The following CASQ1 variants were observed in gnomAD, a reference collection of about 807,000 sequenced individuals.
CASQ1 encodes the protein calsequestrin 1.
CASQ1 carries 40 observed loss-of-function variants against 49.5 expected under a neutral mutation model. The ratio of observed to expected loss-of-function variants is 0.81; its 90% CI spans 0.63 to 1.05. The LOEUF (loss-of-function observed/expected upper bound fraction) is 1.05. Ranked by LOEUF, CASQ1 falls within the 50% of genes least tolerant of loss-of-function variation. CASQ1 has a pLI of 0.00. For missense variants in CASQ1, 469 were observed against 486.9 expected (o/e 0.96, Z 0.35); for synonymous variants, 174 against 187.2 (o/e 0.93, Z 0.58).
Position 160,201,398 on chromosome 1 carries a change from A to AGCCCCACTGGTCTTTTCAT in CASQ1, c.*25_*43dup. ...CTAGTTGCTATGGCAACCATCTTTCAGCCCCACTGGTCTTTTCATGCTCTC... is the reference window on the plus strand; with the variant it reads ...CTAGTTGCTATGGCAACCATCTTTCAGCCCCACTGGTCTTTTCATGCCCCACTGGTCTTTTCATGCTCTC... On this transcript the variant is annotated 3_prime_UTR_variant, in exon 11 of 11. Transcript: ENST00000368078. 1 of 1,613,008 alleles carries AGCCCCACTGGTCTTTTCAT rather than the reference A, an allele frequency of 6.2e-7. No individual in the cohort carries two copies. Among genetic ancestry groups the AGCCCCACTGGTCTTTTCAT allele is most frequent in the South Asian group, 1.1e-5 (1 of 90,860 alleles).
chr1:160,197,324 G>A (rs962113094), intron 6 of CASQ1, among the ~76,000 whole-genome samples: 2 of 152,216 alleles, frequency 1.3e-5, no homozygotes, highest in African/African-American at 2.4e-5. Context: ...CTGATGTCCA[G>A]TTCTTGCCTT....
At chr1:160,193,692 G>C in intron 2 of CASQ1, 55 bp from the exon 3 acceptor site, 1 of 1,043,416 alleles carries the variant, frequency 9.6e-7, no homozygotes, top group Non-Finnish European at 1.5e-6. Context: ...TGAATCTGTG[G>C]GAAGCCTGGG....
At chr1:160,196,450 C>T (rs1654237627) in intron 6 of CASQ1, among the ~76,000 whole-genome samples, 1 of 151,828 alleles carries the variant, frequency 6.6e-6, no homozygotes, top group Non-Finnish European at 1.5e-5. Context: ...TGATGTGTCC[C>T]ATGTTTGTTC....
intron 1 of CASQ1, among the ~76,000 whole-genome samples, chr1:160,192,165 CA>C: frequency 6.6e-6 from 1 of 152,212 alleles, no homozygotes; most frequent in Non-Finnish European, 1.5e-5. Context: ...AGCCTAAGGA[CA>C]GGCTGAAGTA....
chr1:160,197,732 T>G, intron 7 of CASQ1, 118 bp downstream of exon 7: 33 of 713,396 alleles, frequency 4.6e-5, no homozygotes, highest in East Asian at 5.4e-5. Context: ...AACAGTGCAC[T>G]GACCAGCTGG....
At chr1:160,193,207 G>A (rs2101671977) in intron 2 of CASQ1, among the ~76,000 whole-genome samples, 1 of 152,206 alleles carries the variant, frequency 6.6e-6, no homozygotes, top group African/African-American at 2.4e-5. Flanking sequence ...CCAGACCTCT[G>A]CAAACTCCGC....
In CASQ1 at chr1:160,199,841, C is replaced by G. The variant is rs780260750; in HGVS notation, c.985-10C>G. ...ATCTATTAAGTTGCTGTATTTTGAT[C>G]TCTCTACAGCTGGTCCCATACTGGG... On this transcript the variant is annotated splice_polypyrimidine_tract_variant and intron_variant, in intron 9 of 10. Transcript: ENST00000368078. The G allele has an allele frequency of 5.6e-6, 9 of 1,594,642 alleles. No homozygotes were observed. In the African/African-American group the frequency reaches 6.7e-5, roughly 12 times the overall value.
At chr1:160,195,785 C>A in intron 5 of CASQ1, 112 bp from the exon 6 acceptor site, 1 of 1,261,284 alleles carries the variant, frequency 7.9e-7, no homozygotes, top group Non-Finnish European at 1.1e-6. Flanking sequence ...GTGGCAGTGA[C>A]AAGGATCCCG....
At chr1:160,200,112 G>A (rs1391814757) in intron 10 of CASQ1, among the ~76,000 whole-genome samples, 187 bp downstream of exon 10, 2 of 152,218 alleles carry the variant, frequency 1.3e-5, no homozygotes, top group Non-Finnish European at 2.9e-5. Flanking sequence ...TGGAATCAGT[G>A]GCTCATCCTT....
At position 160,191,011 on chromosome 1, in the gene CASQ1, T is replaced by C. The variant is rs150330307; in HGVS notation, c.260T>C (p.Met87Thr). The C allele has an allele frequency of 0.027, 43,575 of 1,614,018 alleles. 686 individuals are homozygous for C. The highest frequency in any genetic ancestry group is 0.031 in the Non-Finnish European group (36,480 of 1,179,970). The change falls in exon 1 of 11, where the codon ATG becomes ACG. Residue 87 changes from methionine to threonine, a missense_variant. Met to Thr is a moderately conservative substitution (Grantham distance 81, BLOSUM62 -1). Coordinates refer to ENST00000368078, the MANE Select transcript of CASQ1 (RefSeq NM_001231.5). ...DDKASQRQFE[M>T]EELILELAAQ... ...AAGGCCTCACAAAGACAATTTGAGA[T>C]GGAGGAGCTGATCCTGGAGGTGAGT... is the stretch of plus-strand genomic sequence containing the variant.
chr1:160,192,660 G>C (rs1462419528), intron 1 of CASQ1, 142 bp from the exon 2 acceptor site: 5 of 696,688 alleles, frequency 7.2e-6, no homozygotes, highest in African/African-American at 1.8e-5. Flanking sequence ...GAATTTGGGG[G>C]ATATTCTGGA....
chr1:160,192,743 G>A, intron 1 of CASQ1, 59 bp from the exon 2 acceptor site: 5 of 1,441,438 alleles, frequency 3.5e-6, no homozygotes, highest in Non-Finnish European at 4.9e-6. Flanking sequence ...GCATGAGAGG[G>A]AGAATAGGGG....
chr1:160,194,380 A>G lies in CASQ1; in HGVS notation c.465+533A>G, dbSNP rs569247545. ...CACATATGCCACACATGCACACAAT[A>G]GGCCACACATCACCTAGATACCACA... On this transcript the variant is annotated intron_variant, in intron 3 of 10. Transcript: ENST00000368078. Among the ~76,000 whole-genome samples, 180 of 148,518 alleles carry G rather than the reference A, an allele frequency of 1.2e-3. 3 individuals are homozygous for G. The highest frequency in any genetic ancestry group is 0.011 in the Middle Eastern group (3 of 272).
Position 160,199,910 on chromosome 1 carries a change from C to T in CASQ1, c.1044C>T (p.Val348=), listed in dbSNP as rs758981867. 21 of 1,611,796 alleles carry T rather than the reference C, an allele frequency of 1.3e-5. No individual in the cohort carries two copies. The highest frequency in any genetic ancestry group is 2.2e-5 in the East Asian group (1 of 44,870). ...DIDLSAPQIG[V]VNVTDADSVW... ...ACTTGTCAGCCCCACAAATAGGAGT[C>T]GTCAATGTTACTGATGTGAGTTTCC... The change falls in exon 10 of 11, where the codon GTC becomes GTT. Residue 348 remains valine (V), a synonymous_variant. Transcript: ENST00000368078.
rs1310234006 is a variant in CASQ1 at position 160,190,970 on chromosome 1, A to T, written c.219A>T (p.Glu73Asp). Residue 73 changes from glutamate (E) to aspartate (D), a missense_variant, in exon 1 of 11, where the codon GAA (glutamate) becomes GAT (aspartate). Transcript: ENST00000368078. Reference sequence around the variant, plus strand: ...AGGTGCTGGCACTCCTCTACCATGAACCCCCCGAGGATGACAAGGCCTCAC... The same window carrying T: ...AGGTGCTGGCACTCCTCTACCATGATCCCCCCGAGGATGACAAGGCCTCAC... ...KYEVLALLYH[E>D]PPEDDKASQR... The T allele has an allele frequency of 1.2e-6, 2 of 1,613,160 alleles. No individual in the cohort carries two copies. Among genetic ancestry groups the T allele is most frequent in the Non-Finnish European group, 8.5e-7 (1 of 1,179,810 alleles).
At chr1:160,199,724 C>T (rs1654326776) in intron 9 of CASQ1, 127 bp from the exon 10 acceptor site, 1 of 687,762 alleles carries the variant, frequency 1.5e-6, no homozygotes, top group Non-Finnish European at 2.7e-6. Flanking sequence ...CACAGGTGGA[C>T]CTGTCCCCAT....
intron 2 of CASQ1, among the ~76,000 whole-genome samples, chr1:160,193,318 T>C (rs1030579659): frequency 6.6e-6 from 1 of 151,100 alleles, no homozygotes; most frequent in Non-Finnish European, 1.5e-5. Context: ...GGGGGAGGGG[T>C]GGTCAGTAAT....
At chr1:160,193,624 G>A in intron 2 of CASQ1, 123 bp from the exon 3 acceptor site, 1 of 602,206 alleles carries the variant, frequency 1.7e-6, no homozygotes, top group East Asian at 3.0e-5. Flanking sequence ...GGCCCATGAG[G>A]TGGAGCATGT....
intron 5 of CASQ1, 24 bp from the exon 6 acceptor site, chr1:160,195,873 C>T (rs1329112284): frequency 1.2e-6 from 2 of 1,611,780 alleles, no homozygotes; most frequent in Non-Finnish European, 1.7e-6. Context: ...CTGCTCCACT[C>T]CCCTCCTACC....
Sources: gnomAD v4.1 joint callset for allele counts (sites outside exome capture counted in the v4.1 genomes callset) on GRCh38, gnomAD v4.1.1 for gene constraint, MANE v1.5 for transcripts, NCBI Gene and HGNC (gene_info 2026-07-23, HGNC 2026-07-21) for gene names.